Variants in TCFL5 observed in about 807,000 individuals in gnomAD.
TCFL5 encodes transcription factor like 5.
Under a neutral mutation model 44.3 loss-of-function variants are expected in TCFL5, and 9 were observed. That is an observed-to-expected ratio of 0.20 (90% confidence interval 0.12 to 0.35). The LOEUF (loss-of-function observed/expected upper bound fraction) is 0.35. Among genes scored for constraint, TCFL5 ranks in the 10% least tolerant of loss-of-function variants. TCFL5 has a pLI of 1.00. For missense variants in TCFL5, 603 were observed against 613.4 expected (o/e 0.98, Z 0.18); for synonymous variants, 319 against 271.6 (o/e 1.17, Z -1.72).
At chr20:62,859,937 G>C (rs902453114) in intron 2 of TCFL5, among the ~76,000 whole-genome samples, 188 bp downstream of exon 2, 43 of 151,972 alleles carry the variant, frequency 2.8e-4, no homozygotes, top group Non-Finnish European at 1.6e-4. Context: ...TTGAACTCCT[G>C]AACTCAAATG....
At chr20:62,847,948 T>C (rs989910814) in intron 5 of TCFL5, among the ~76,000 whole-genome samples, 1 of 152,080 alleles carries the variant, frequency 6.6e-6, no homozygotes, top group African/African-American at 2.4e-5. Context: ...ATGAAGTGGC[T>C]CAGGAGGTAC....
intron 4 of TCFL5, among the ~76,000 whole-genome samples, chr20:62,854,767 C>T (rs1453995358): frequency 1.3e-5 from 2 of 152,188 alleles, no homozygotes; most frequent in East Asian, 3.8e-4. Flanking sequence ...CAGTAACATG[C>T]AAAGTCCTAA....
chr20:62,841,924 A>G lies in TCFL5; in HGVS notation c.*51T>C. On this transcript the variant is annotated 3_prime_UTR_variant, in exon 6 of 6. Coordinates refer to ENST00000335351, the MANE Select transcript of TCFL5 (RefSeq NM_006602.4). ...CTCCAGGGTTGCAGAAGGCGTGCAC[A>G]GGTCACGAAGGAATGGCTGTTCACC... is the stretch of plus-strand genomic sequence containing the variant. 6.2e-7 allele frequency: 1 copy of G among 1,608,836 alleles called. No individual in the cohort carries two copies. The highest frequency in any genetic ancestry group is 8.5e-7 in the Non-Finnish European group (1 of 1,178,086).
Position 62,859,284 on chromosome 20 carries a change from T to G in TCFL5, c.994+80A>C, listed in dbSNP as rs527674453. 58 of 1,450,960 alleles carry G rather than the reference T, an allele frequency of 4.0e-5. No individual in the cohort carries two copies. The East Asian group carries it at 1.3e-3, about 32-fold the overall frequency. The allele number at this position is 1,450,960 out of a possible 1,614,324, so 89.9% of individuals were successfully genotyped here. A position where few individuals can be genotyped will look rare whatever the true frequency, so the allele number is the denominator to read the frequency against. ...ATGTGTACAAACCATCTGTCTCCCCTGCCCCCCAAGGCCAAAATGCCATCA... is the reference window on the plus strand; with the variant it reads ...ATGTGTACAAACCATCTGTCTCCCCGGCCCCCCAAGGCCAAAATGCCATCA... On this transcript the variant is annotated intron_variant, in intron 3 of 5. Transcript: ENST00000335351.
At chr20:62,857,291 T>A in intron 4 of TCFL5, 104 bp downstream of exon 4, 2 of 1,470,592 alleles carry the variant, frequency 1.4e-6, no homozygotes, top group Non-Finnish European at 1.8e-6. Flanking sequence ...CCTGCTTTAT[T>A]CCCTCTGAAC....
intron 5 of TCFL5, chr20:62,852,979 G>C: frequency 1.6e-6 from 2 of 1,288,006 alleles, no homozygotes; most frequent in Non-Finnish European, 2.0e-6. Context: ...TGGTCACCCG[G>C]TCGGCTGAAG....
At chr20:62,850,132 GATTT>G (rs1353956417) in intron 5 of TCFL5, among the ~76,000 whole-genome samples, 1 of 152,102 alleles carries the variant, frequency 6.6e-6, no homozygotes, top group African/African-American at 2.4e-5. Flanking sequence ...CTGTCTTGGA[GATTT>G]ATGTAGAAAT....
Position 62,841,819 on chromosome 20 carries a change from C to T in TCFL5, c.*156G>A. The T allele has an allele frequency of 5.6e-6, 5 of 894,866 alleles. No individual in the cohort carries two copies. The highest frequency in any genetic ancestry group is 7.9e-6 in the Non-Finnish European group (5 of 632,124). 55.4% of individuals were successfully genotyped at this position (894,866 alleles called of 1,614,324 possible). A position where few individuals can be genotyped will look rare whatever the true frequency, so the allele number is the denominator to read the frequency against. ...ATTTGCGTCTAGATAAATATTTTTACAAAATGTGCTCTCAAAGTCCCTACT... is the reference window on the plus strand; with the variant it reads ...ATTTGCGTCTAGATAAATATTTTTATAAAATGTGCTCTCAAAGTCCCTACT... On this transcript the variant is annotated 3_prime_UTR_variant, in exon 6 of 6. Coordinates refer to ENST00000335351, the MANE Select transcript of TCFL5 (RefSeq NM_006602.4).
chr20:62,841,842 A>T lies in TCFL5; in HGVS notation c.*133T>A. 1 of 1,218,644 alleles carries T rather than the reference A, an allele frequency of 8.2e-7. No individual in the cohort carries two copies. 75.5% of individuals were successfully genotyped at this position (1,218,644 alleles called of 1,614,324 possible). ...TACAAAATGTGCTCTCAAAGTCCCT[A>T]CTGGAGTCCCGTCAGCTTGAGTCAC... is the stretch of plus-strand genomic sequence containing the variant. On this transcript the variant is annotated 3_prime_UTR_variant, in exon 6 of 6. Coordinates refer to ENST00000335351, the MANE Select transcript of TCFL5 (RefSeq NM_006602.4).
chr20:62,844,399 C>A (rs6011418), intron 5 of TCFL5, among the ~76,000 whole-genome samples: 7,856 of 152,112 alleles, frequency 0.052, 385 homozygotes, highest in East Asian at 0.21. Context: ...TATTCAAGTT[C>A]TTTGCCCATT....
chr20:62,853,780 C>T (rs538924268), intron 5 of TCFL5, among the ~76,000 whole-genome samples: 3 of 152,334 alleles, frequency 2.0e-5, no homozygotes, highest in Non-Finnish European at 4.4e-5. Flanking sequence ...TGCTATCTGA[C>T]AATTGCCTCT....
Position 62,861,234 on chromosome 20 carries a change from C to T in TCFL5, c.437G>A (p.Gly146Asp), listed in dbSNP as rs1198825479. Residue 146 changes from glycine to aspartate, a missense_variant, in exon 1 of 6, where the codon GGC becomes GAC. Coordinates refer to ENST00000335351, the MANE Select transcript of TCFL5 (RefSeq NM_006602.4). This position sits in a 1 kb window ranked among gnomAD's most constrained non-coding sequence, Gnocchi z 4.0. Reference protein sequence around the residue: ...EAGAAEKTSGGGDGARARADG... With the variant: ...EAGAAEKTSGDGDGARARADG... ...GGCCCGGGCCCTCGCTCCGTCCCCG[C>T]CGCCCGACGTCTTCTCCGCCGCGCC... 1 of 1,174,612 alleles carries T rather than the reference C, an allele frequency of 8.5e-7. No homozygotes were observed. The highest frequency in any genetic ancestry group is 1.1e-6 in the Non-Finnish European group (1 of 935,012). 72.8% of individuals were successfully genotyped at this position (1,174,612 alleles called of 1,614,324 possible). A position where few individuals can be genotyped will look rare whatever the true frequency, so the allele number is the denominator to read the frequency against.
intron 4 of TCFL5, among the ~76,000 whole-genome samples, chr20:62,856,532 G>A (rs1042093035): frequency 6.6e-5 from 10 of 151,332 alleles, no homozygotes; most frequent in South Asian, 2.1e-4. Flanking sequence ...CTGAAACCCC[G>A]TCTCTACTAA....
rs2063995409 is a variant in TCFL5, at chr20:62,861,093, C to T, written c.578G>A (p.Ser193Asn). The T allele has an allele frequency of 1.0e-6, 1 of 997,562 alleles. No homozygotes were observed. Among genetic ancestry groups the T allele is most frequent in the Non-Finnish European group, 1.2e-6 (1 of 839,896 alleles). The allele number at this position is 997,562 out of a possible 1,614,324, so 61.8% of individuals were successfully genotyped here. Residue 193 changes from serine to asparagine, a missense_variant, in exon 1 of 6, where the codon AGC becomes AAC. Around this residue, in one of 4 missense-constraint regions of TCFL5, gnomAD observed 540 missense variants for 478.7 expected, o/e 1.13. Coordinates refer to ENST00000335351, the MANE Select transcript of TCFL5 (RefSeq NM_006602.4). The surrounding 1 kb of genome is among the most constrained non-coding windows in gnomAD (Gnocchi z 4.0). Reference protein sequence around the residue: ...VRVRLEDRFNSIPAEPPPAPR... With the variant: ...VRVRLEDRFNNIPAEPPPAPR... ...CGCGGGCGGCGGCTCGGCGGGGATGCTGTTGAAGCGGTCCTCCAGGCGGAC... is the reference window on the plus strand; with the variant it reads ...CGCGGGCGGCGGCTCGGCGGGGATGTTGTTGAAGCGGTCCTCCAGGCGGAC...
intron 5 of TCFL5, among the ~76,000 whole-genome samples, chr20:62,853,106 TA>T (rs1568785468): frequency 1.4e-5 from 2 of 146,364 alleles, no homozygotes; most frequent in African/African-American, 5.3e-5. Context: ...CACAGAAGCA[TA>T]GTCACCCGGT....
rs571314869 is a variant in TCFL5, at chr20:62,842,877, A to C, written c.1381-780T>G. Reference sequence around the variant, plus strand: ...GCCACACACTCAGGGTTCCAAGGCCAGCAAGGTGGAGGTGCTGCTCGCTGA... The same window carrying C: ...GCCACACACTCAGGGTTCCAAGGCCCGCAAGGTGGAGGTGCTGCTCGCTGA... On this transcript the variant is annotated intron_variant, in intron 5 of 5. Coordinates refer to ENST00000335351, the MANE Select transcript of TCFL5 (RefSeq NM_006602.4). This position sits in a 1 kb window ranked among gnomAD's most constrained non-coding sequence, Gnocchi z 4.3. Among the ~76,000 whole-genome samples the C allele has an allele frequency of 6.6e-6, 1 of 152,356 alleles. No individual in the cohort carries two copies. Among genetic ancestry groups the C allele is most frequent in the South Asian group, 2.1e-4 (1 of 4,834 alleles).
chr20:62,855,111 CAGTT>C (rs987633395), intron 4 of TCFL5, among the ~76,000 whole-genome samples: 9 of 152,214 alleles, frequency 5.9e-5, no homozygotes, highest in South Asian at 2.1e-4. Context: ...GGAAGGCCCT[CAGTT>C]AGTCCATGTG....
Position 62,841,792 on chromosome 20 carries a change from G to T in TCFL5, c.*183C>A. 1 of 595,092 alleles carries T rather than the reference G, an allele frequency of 1.7e-6. No individual in the cohort carries two copies. The highest frequency in any genetic ancestry group is 2.7e-6 in the Non-Finnish European group (1 of 375,468). 36.9% of individuals were successfully genotyped at this position (595,092 alleles called of 1,614,324 possible). On this transcript the variant is annotated 3_prime_UTR_variant, in exon 6 of 6. Transcript: ENST00000335351. ...GGTCTAAGAGGACATTCATGGATAA[G>T]CATTTGCGTCTAGATAAATATTTTT...
chr20:62,855,084 A>T (rs1157392381), intron 4 of TCFL5, among the ~76,000 whole-genome samples: 1 of 152,254 alleles, frequency 6.6e-6, no homozygotes, highest in Non-Finnish European at 1.5e-5. Flanking sequence ...TGCCCTTCAT[A>T]ATTCACAGTA....
Sources: allele counts gnomAD v4.1 joint callset (sites outside exome capture counted in the v4.1 genomes callset), GRCh38; gene constraint gnomAD v4.1.1; regional missense constraint gnomAD v4.1.1; non-coding constraint Gnocchi (gnomAD v3.1); transcripts MANE v1.5; gene names NCBI Gene and HGNC (gene_info 2026-07-23, HGNC 2026-07-21).